SYNE1: variants seen among roughly 807,000 people sequenced by gnomAD.
SYNE1 encodes nesprin-1.
In SYNE1, 616 loss-of-function variants were observed where a neutral mutation model predicts 1,111.0. The ratio of observed to expected loss-of-function variants is 0.55; its 90% CI spans 0.52 to 0.59. The LOEUF is 0.59. Among genes scored for constraint, SYNE1 ranks in the 20% least tolerant of loss-of-function variants. SYNE1 has a pLI of 0.00. For synonymous variants in SYNE1, 3,855 were observed against 3,825.8 expected (o/e 1.01, Z -0.28); for missense variants, 10,006 against 10,417.0 (o/e 0.96, Z 1.72).
chr6:152,625,865 T>A (rs1033573564), intron 3 of SYNE1, among the ~76,000 whole-genome samples: 2 of 152,180 alleles, frequency 1.3e-5, no homozygotes, highest in African/African-American at 4.8e-5. Context: ...TATCACAGCA[T>A]TTATAATTTT....
intron 81 of SYNE1, 78 bp downstream of exon 81, chr6:152,325,006 A>C: frequency 1.3e-6 from 2 of 1,539,032 alleles, no homozygotes; most frequent in Non-Finnish European, 1.8e-6. Flanking sequence ...GACTTCAAAA[A>C]GGGGCAAAAT....
At chr6:152,354,356 T>C (rs2096797010) in intron 67 of SYNE1, among the ~76,000 whole-genome samples, 1 of 152,218 alleles carries the variant, frequency 6.6e-6, no homozygotes, top group African/African-American at 2.4e-5. Context: ...AGCAATTTCA[T>C]ATCAGAACCA....
At position 152,525,959 on chromosome 6, in the gene SYNE1, C is replaced by T. The variant is rs549079664; in HGVS notation, c.225+121G>A. The T allele has an allele frequency of 4.1e-5, 36 of 874,392 alleles. No individual in the cohort carries two copies. In the African/African-American group the frequency reaches 5.5e-4, roughly 13 times the overall value. 54.2% of individuals were successfully genotyped at this position (874,392 alleles called of 1,614,324 possible). A position where few individuals can be genotyped will look rare whatever the true frequency, so the allele number is the denominator to read the frequency against. On this transcript the variant is annotated intron_variant, in intron 5 of 145. Coordinates refer to ENST00000367255, the MANE Select transcript of SYNE1 (RefSeq NM_182961.4). The stretch of plus-strand genomic sequence containing the variant: ...TGCCAGCAGTGTTTCCAGTATACTA[C>T]CAACCACGACAAATAACTTTCTTTT...
intron 74 of SYNE1, among the ~76,000 whole-genome samples, chr6:152,342,407 G>A (rs1563206554): frequency 1.3e-5 from 2 of 152,260 alleles, no homozygotes; most frequent in East Asian, 3.9e-4. Flanking sequence ...GTAGAATATA[G>A]GCAGTCTTTA....
intron 131 of SYNE1, among the ~76,000 whole-genome samples, chr6:152,163,874 G>A (rs2063049037): frequency 6.6e-6 from 1 of 152,122 alleles, no homozygotes; most frequent in Non-Finnish European, 1.5e-5. Flanking sequence ...CACTGTTTTA[G>A]ATACGTAATT....
rs563701006 is a variant in SYNE1, at chr6:152,618,540, A to G, written c.67+9725T>C. 3.9e-5 allele frequency among the ~76,000 whole-genome samples: 6 copies of G among 152,374 alleles called. No individual in the cohort carries two copies. The East Asian group carries it at 1.2e-3, about 29-fold the overall frequency. ...GAAAGGAAGCAAATGAATGGAAGGC[A>G]ATTGCATAATTCTAGGTAAATAACT... On this transcript the variant is annotated intron_variant, in intron 3 of 145. Transcript: ENST00000367255.
chr6:152,195,060 A>G (rs1239482343), intron 127 of SYNE1, among the ~76,000 whole-genome samples: 3 of 152,072 alleles, frequency 2.0e-5, no homozygotes, highest in East Asian at 3.9e-4. Flanking sequence ...AGCTTGGATT[A>G]CACACATGTG....
chr6:152,521,557 T>G (rs539487620), intron 5 of SYNE1, among the ~76,000 whole-genome samples: 153 of 152,332 alleles, frequency 1.0e-3, no homozygotes, highest in Non-Finnish European at 2.0e-3. Flanking sequence ...TGAATATATG[T>G]AAAATGTATA....
chr6:152,628,044 C>CAAAAAAAAAAAAAAAAA (rs66815986), intron 3 of SYNE1, among the ~76,000 whole-genome samples: 6 of 103,308 alleles, frequency 5.8e-5, no homozygotes, highest in Admixed American at 1.1e-4. Flanking sequence ...CACAAAATTA[C>CAAAAAAAAAAAAAAAAA]AAAAAAAAAA....
intron 145 of SYNE1, chr6:152,125,460 T>G (rs1370904623): frequency 1.9e-5 from 25 of 1,338,728 alleles, no homozygotes; most frequent in Non-Finnish European, 1.9e-5. Flanking sequence ...TAAATTAGTC[T>G]CTCTGGCCTT....
At chr6:152,318,437 T>C in intron 85 of SYNE1, 174 bp from the exon 86 acceptor site, 1 of 717,088 alleles carries the variant, frequency 1.4e-6, no homozygotes, top group Non-Finnish European at 2.3e-6. Flanking sequence ...GGGCAGGATA[T>C]GTTGTAATGC....
rs755871504 is a variant in SYNE1 at position 152,255,009 on chromosome 6, AT to A, written c.19340del (p.Asn6447MetfsTer22). On this transcript the variant is annotated frameshift_variant, in exon 104 of 146. Transcript: ENST00000367255. LOFTEE classifies it high-confidence loss of function. ...KNLFSQAFPE[N>X]GDNRDVIEDT... Reference sequence around the variant, plus strand: ...CTTCAATAACATCTCGATTATCACCATTCTCTGGAAAAGCTTGGGAAAACAA... The same window carrying A: ...CTTCAATAACATCTCGATTATCACCATCTCTGGAAAAGCTTGGGAAAACAA... The A allele has an allele frequency of 6.2e-7, 1 of 1,613,820 alleles. No individual in the cohort carries two copies. The highest frequency in any genetic ancestry group is 8.5e-7 in the Non-Finnish European group (1 of 1,179,838).
intron 48 of SYNE1, 120 bp downstream of exon 48, chr6:152,399,496 A>G (rs910699826): frequency 1.6e-6 from 2 of 1,225,974 alleles, no homozygotes; most frequent in Non-Finnish European, 2.4e-6. Flanking sequence ...AAGCACAAAC[A>G]AATTTGAAAT....
rs214975 is a variant in SYNE1, at chr6:152,451,512, T to C, written c.3028-307A>G. Among the ~76,000 whole-genome samples the C allele has an allele frequency of 0.21, 28,054 of 133,524 alleles. 3,079 individuals carry two copies. The highest frequency in any genetic ancestry group is 0.34 in the East Asian group (1,417 of 4,162). 87.6% of individuals were successfully genotyped at this position (133,524 alleles called of 152,430 possible). ...TTTTTTTTTTTGGTGAGATGGAGTC[T>C]CGCTCTGTCGCCCAGGGTGGAGTAC... is the stretch of plus-strand genomic sequence containing the variant. On this transcript the variant is annotated intron_variant, in intron 25 of 145. Transcript: ENST00000367255.
At chr6:152,205,977 T>C (rs1294218605) in intron 126 of SYNE1, among the ~76,000 whole-genome samples, 191 bp downstream of exon 126, 1 of 152,218 alleles carries the variant, frequency 6.6e-6, no homozygotes, top group East Asian at 1.9e-4. Context: ...AAAAATTAAA[T>C]GCTGAAAATT....
chr6:152,211,651 A>G lies in SYNE1; in HGVS notation c.22495-63T>C, dbSNP rs1447481680. 2.3e-5 allele frequency: 32 copies of G among 1,413,642 alleles called. No individual in the cohort carries two copies. The South Asian group carries it at 2.9e-4, about 13-fold the overall frequency. The allele number at this position is 1,413,642 out of a possible 1,614,324, so 87.6% of individuals were successfully genotyped here. On this transcript the variant is annotated intron_variant, in intron 123 of 145. Transcript: ENST00000367255. ...CCTAATTTTAGTGATCGGTTCTCTGATAACTTTCCAAATATTCTAGTTTTC... is the reference window on the plus strand; with the variant it reads ...CCTAATTTTAGTGATCGGTTCTCTGGTAACTTTCCAAATATTCTAGTTTTC...
rs372051523 is a variant in SYNE1 at position 152,255,617 on chromosome 6, T to C, written c.19234A>G (p.Thr6412Ala). The C allele has an allele frequency of 8.7e-6, 14 of 1,614,080 alleles. No individual in the cohort carries two copies. The highest frequency in any genetic ancestry group is 6.7e-5 in the African/African-American group (5 of 74,922). Residue 6412 changes from threonine to alanine, a missense_variant, in exon 103 of 146, where the codon ACA becomes GCA. Physicochemically the swap from Thr to Ala is moderately conservative, Grantham distance 58. This residue lies in a region of SYNE1 where 2,182 missense variants were observed against 2,287.8 expected (regional missense o/e 0.95). Transcript: ENST00000367255. ...FVATALLPEE[T>A]ETCLFNQEIL... ...TCTTGGTTGAAGAGACAAGTCTCTGTTTCTTCTGGTAAAAGTGCTGTGGCA... is the reference window on the plus strand; with the variant it reads ...TCTTGGTTGAAGAGACAAGTCTCTGCTTCTTCTGGTAAAAGTGCTGTGGCA...
At chr6:152,542,900 G>C (rs1424884106) in intron 3 of SYNE1, among the ~76,000 whole-genome samples, 1 of 151,924 alleles carries the variant, frequency 6.6e-6, no homozygotes, top group African/African-American at 2.4e-5. Context: ...GACACAGTTA[G>C]ATTATATGTA....
chr6:152,256,578 C>T, intron 102 of SYNE1, 56 bp downstream of exon 102: 4 of 1,608,776 alleles, frequency 2.5e-6, no homozygotes, highest in Non-Finnish European at 3.4e-6. Context: ...CAAATCAATA[C>T]AAGCAAAACA....
Sources: allele counts gnomAD v4.1 joint callset (sites outside exome capture counted in the v4.1 genomes callset), GRCh38; gene constraint gnomAD v4.1.1; regional missense constraint gnomAD v4.1.1; transcripts MANE v1.5; gene names NCBI Gene and HGNC (gene_info 2026-07-23, HGNC 2026-07-21).